RNF180: variants seen among roughly 807,000 people sequenced by gnomAD.
The protein encoded by RNF180 is ring finger protein 180, also known as E3 ubiquitin-protein ligase RNF180.
A neutral mutation model predicts 59.2 loss-of-function variants in RNF180; 38 were observed. That is an observed-to-expected ratio of 0.64 (90% CI 0.50 to 0.84). The LOEUF (loss-of-function observed/expected upper bound fraction) is 0.84. Among genes scored for constraint, RNF180 ranks in the 40% least tolerant of loss-of-function variants. RNF180 has a pLI of 0.00. For missense variants in RNF180, 705 were observed against 700.9 expected, an observed-to-expected ratio of 1.01 and a Z score of -0.07; for synonymous variants, 262 against 240.3, an observed-to-expected ratio of 1.09 and a Z score of -0.84.
chr5:64,322,477 T>C (rs1047095844), intron 5 of RNF180, among the ~76,000 whole-genome samples: 15 of 152,004 alleles, frequency 9.9e-5, no homozygotes, highest in African/African-American at 3.6e-4. Flanking sequence ...TGGCGATTAT[T>C]AAAAAGTCAA....
chr5:64,182,147 C>G (rs2366279), intron 1 of RNF180, among the ~76,000 whole-genome samples: 1 of 151,850 alleles, frequency 6.6e-6, no homozygotes, highest in Non-Finnish European at 1.5e-5. Context: ...CCCACCACCA[C>G]GCCTGGCTAA....
intron 5 of RNF180, among the ~76,000 whole-genome samples, chr5:64,223,594 G>C (rs1472742225): frequency 6.6e-6 from 1 of 152,178 alleles, no homozygotes; most frequent in Non-Finnish European, 1.5e-5. Flanking sequence ...AACCTAGTAT[G>C]TGATAATAGA....
chr5:64,357,156 A>C (rs894570370), intron 7 of RNF180, among the ~76,000 whole-genome samples: 1 of 151,906 alleles, frequency 6.6e-6, no homozygotes, highest in African/African-American at 2.4e-5. Context: ...ATTCAATATA[A>C]AAGATTAACT....
chr5:64,215,921 T>C (rs1049558298), intron 4 of RNF180, among the ~76,000 whole-genome samples: 33 of 152,198 alleles, frequency 2.2e-4, no homozygotes, highest in African/African-American at 8.0e-4. Flanking sequence ...AGCTACATGA[T>C]TGATCATTTT....
intron 5 of RNF180, among the ~76,000 whole-genome samples, chr5:64,250,048 A>T (rs1743463010): frequency 6.6e-6 from 1 of 152,200 alleles, no homozygotes; most frequent in Non-Finnish European, 1.5e-5. Flanking sequence ...ATTCTCCAGG[A>T]TAGTATAAAT....
intron 1 of RNF180, among the ~76,000 whole-genome samples, chr5:64,166,536 G>C (rs755908587): frequency 2.0e-5 from 3 of 152,202 alleles, no homozygotes; most frequent in Non-Finnish European, 4.4e-5. Flanking sequence ...TCCATCGGGC[G>C]GAGGTGGGGA....
intron 1 of RNF180, among the ~76,000 whole-genome samples, chr5:64,181,483 A>G (rs1262536022): frequency 6.6e-6 from 1 of 152,244 alleles, no homozygotes; most frequent in Non-Finnish European, 1.5e-5. Flanking sequence ...CTCTCCCAGA[A>G]AAACAGGTAG....
intron 2 of RNF180, among the ~76,000 whole-genome samples, chr5:64,202,672 G>A (rs554209567): frequency 1.3e-5 from 2 of 152,180 alleles, no homozygotes; most frequent in African/African-American, 4.8e-5. Context: ...CATTCTGATG[G>A]ACGTATAGTG....
chr5:64,235,756 T>A (rs768717581), intron 5 of RNF180, among the ~76,000 whole-genome samples: 1 of 152,174 alleles, frequency 6.6e-6, no homozygotes, highest in African/African-American at 2.4e-5. Flanking sequence ...GCTGTTCTTA[T>A]GATAGTGAGT....
chr5:64,167,205 G>A (rs1458295850), intron 1 of RNF180, among the ~76,000 whole-genome samples: 1 of 152,172 alleles, frequency 6.6e-6, no homozygotes, highest in African/African-American at 2.4e-5. Flanking sequence ...GAGCTGTTAG[G>A]TTTCCCGGAA....
At chr5:64,324,492 T>A (rs547082535) in intron 5 of RNF180, among the ~76,000 whole-genome samples, 41 of 152,342 alleles carry the variant, frequency 2.7e-4, no homozygotes, top group African/African-American at 9.4e-4. Flanking sequence ...GGAAATCGGT[T>A]TTTTTTCTCA....
rs77042869 is a variant in RNF180, at chr5:64,325,568, T to G, written c.1453+157T>G. ...GTACTTACCCAACTCATAAAACTGT[T>G]AGAATCATAGATGAGAATAGATCCT... On this transcript the variant is annotated intron_variant, in intron 6 of 7. Transcript: ENST00000389100. 0.021 allele frequency among the ~76,000 whole-genome samples: 3,196 copies of G among 152,296 alleles called. 51 individuals are homozygous for G. Among genetic ancestry groups the G allele is most frequent in the Middle Eastern group, 0.037 (11 of 294 alleles).
intron 5 of RNF180, among the ~76,000 whole-genome samples, chr5:64,292,435 G>A (rs1348274113): frequency 3.3e-5 from 5 of 152,220 alleles, no homozygotes; most frequent in East Asian, 1.9e-4. Context: ...TTGGTTTTCC[G>A]CTTACCTGGA....
intron 5 of RNF180, among the ~76,000 whole-genome samples, chr5:64,238,457 A>G (rs1169013737): frequency 3.3e-5 from 5 of 152,150 alleles, no homozygotes; most frequent in South Asian, 2.1e-4. Context: ...TATCATCAAC[A>G]GTATGCAGGG....
intron 7 of RNF180, among the ~76,000 whole-genome samples, chr5:64,334,607 A>T (rs781065378): frequency 6.6e-6 from 1 of 152,196 alleles, no homozygotes; most frequent in Non-Finnish European, 1.5e-5. Context: ...TTGTATAAGT[A>T]TACATATGTA....
chr5:64,324,613 C>T (rs2112520608), intron 5 of RNF180, among the ~76,000 whole-genome samples: 1 of 152,330 alleles, frequency 6.6e-6, no homozygotes, highest in East Asian at 1.9e-4. Context: ...CATGTTTCCC[C>T]ATAGCAAGGC....
intron 1 of RNF180, among the ~76,000 whole-genome samples, chr5:64,175,861 G>A (rs2111905288): frequency 6.6e-6 from 1 of 152,180 alleles, no homozygotes; most frequent in South Asian, 2.1e-4. Context: ...ATTTTTTGTA[G>A]TTATTGCAAA....
At chr5:64,324,409 A>G (rs945705497) in intron 5 of RNF180, among the ~76,000 whole-genome samples, 3 of 152,208 alleles carry the variant, frequency 2.0e-5, no homozygotes, top group African/African-American at 7.2e-5. Flanking sequence ...ACCCAGAGAA[A>G]ACCCCCACAA....
intron 5 of RNF180, among the ~76,000 whole-genome samples, chr5:64,281,792 C>T (rs541776571): frequency 7.9e-5 from 12 of 152,078 alleles, no homozygotes; most frequent in South Asian, 4.2e-4. Context: ...CACCGTGCCT[C>T]GCTGAGGATT....
Sources: allele counts gnomAD v4.1 joint callset (sites outside exome capture counted in the v4.1 genomes callset), GRCh38; gene constraint gnomAD v4.1.1; transcripts MANE v1.5; gene names NCBI Gene and HGNC (gene_info 2026-07-23, HGNC 2026-07-21).